Variants in AOAH observed in about 807,000 individuals in gnomAD.
The protein encoded by AOAH is acyloxyacyl hydrolase (neutrophil).
AOAH carries 64 observed loss-of-function variants against 92.2 expected under a neutral mutation model. That is an observed-to-expected ratio of 0.69 (90% confidence interval 0.57 to 0.86). The LOEUF (loss-of-function observed/expected upper bound fraction) is 0.86. Among genes scored for constraint, AOAH ranks in the 40% least tolerant of loss-of-function variants. The pLI is 0.00. For missense variants in AOAH, 656 were observed against 694.6 expected, an observed-to-expected ratio of 0.94 and a Z score of 0.62; for synonymous variants, 263 against 254.5, an observed-to-expected ratio of 1.03 and a Z score of -0.32.
At chr7:36,576,938 C>T (rs1788548922) in intron 12 of AOAH, among the ~76,000 whole-genome samples, 1 of 151,834 alleles carries the variant, frequency 6.6e-6, no homozygotes, top group African/African-American at 2.4e-5. Flanking sequence ...CTTTCAAATG[C>T]TTTTTACCAA....
chr7:36,648,982 T>A (rs1794408666), intron 4 of AOAH, among the ~76,000 whole-genome samples: 1 of 152,230 alleles, frequency 6.6e-6, no homozygotes, highest in Non-Finnish European at 1.5e-5. Flanking sequence ...ATTTTTTCTC[T>A]GTAAAGTTAA....
intron 16 of AOAH, 112 bp downstream of exon 16, chr7:36,540,207 C>T (rs1785326852): frequency 9.5e-7 from 1 of 1,050,330 alleles, no homozygotes. Flanking sequence ...AACCCTGACC[C>T]ATGTTCCATG....
chr7:36,655,735 G>C (rs4723552), intron 4 of AOAH, among the ~76,000 whole-genome samples: 1 of 151,852 alleles, frequency 6.6e-6, no homozygotes, highest in African/African-American at 2.4e-5. Flanking sequence ...CACTTTACCC[G>C]TTCATTGCGT....
Position 36,594,272 on chromosome 7 carries a change from C to T in AOAH, c.938+67G>A, listed in dbSNP as rs574593595. The T allele has an allele frequency of 5.6e-6, 7 of 1,259,112 alleles. No homozygotes were observed. In the South Asian group the frequency reaches 7.4e-5, roughly 13 times the overall value. 78.0% of individuals were successfully genotyped at this position (1,259,112 alleles called of 1,614,324 possible). A position where few individuals can be genotyped will look rare whatever the true frequency, so the allele number is the denominator to read the frequency against. ...TCGCATTTCAACATCTTGGTAGCAA[C>T]CCCCATCTCTTGTTCTTTCCTTACA... is the stretch of plus-strand genomic sequence containing the variant. On this transcript the variant is annotated intron_variant, in intron 12 of 20. Transcript: ENST00000617537.
chr7:36,633,201 T>C (rs1328393535), intron 5 of AOAH, among the ~76,000 whole-genome samples: 3 of 152,232 alleles, frequency 2.0e-5, no homozygotes, highest in Admixed American at 6.5e-5. Flanking sequence ...ACAGCCTTGC[T>C]AGAGATGCAC....
chr7:36,628,675 G>C (rs992176655), intron 6 of AOAH, among the ~76,000 whole-genome samples: 1 of 152,228 alleles, frequency 6.6e-6, no homozygotes, highest in African/African-American at 2.4e-5. Flanking sequence ...ACGCGTCCCT[G>C]GGGTGGAGAC....
At chr7:36,616,304 T>TC in intron 11 of AOAH, 76 bp downstream of exon 11, 4 of 1,194,196 alleles carry the variant, frequency 3.3e-6, no homozygotes, top group Non-Finnish European at 4.9e-6. Flanking sequence ...GGAGTTGGCA[T>TC]CCCATTTAGA....
intron 1 of AOAH, among the ~76,000 whole-genome samples, chr7:36,706,411 C>T (rs933815673): frequency 6.6e-6 from 1 of 152,018 alleles, no homozygotes; most frequent in African/African-American, 2.4e-5. Flanking sequence ...ACAAATTTGC[C>T]GTTATCCAAG....
At chr7:36,698,486 T>C (rs1797845919) in intron 1 of AOAH, among the ~76,000 whole-genome samples, 1 of 152,142 alleles carries the variant, frequency 6.6e-6, no homozygotes, top group Admixed American at 6.5e-5. Context: ...GGCTTTGGAT[T>C]CTTCATTTTC....
chr7:36,524,568 C>T (rs1477759344), intron 19 of AOAH, among the ~76,000 whole-genome samples: 9 of 151,452 alleles, frequency 5.9e-5, no homozygotes, highest in South Asian at 2.1e-4. Context: ...CCCAGCTACT[C>T]GAGAGGCTGA....
chr7:36,723,570 CA>C (rs1382556347), intron 1 of AOAH, among the ~76,000 whole-genome samples: 1 of 152,062 alleles, frequency 6.6e-6, no homozygotes, highest in Non-Finnish European at 1.5e-5. Flanking sequence ...TTCAGTTCAC[CA>C]ATAAGGACAC....
intron 13 of AOAH, among the ~76,000 whole-genome samples, chr7:36,558,598 C>G (rs1228164697): frequency 6.6e-6 from 1 of 152,280 alleles, no homozygotes; most frequent in Non-Finnish European, 1.5e-5. Context: ...CAGAGGCCAG[C>G]AGGCCTCCTT....
At position 36,594,362 on chromosome 7, in the gene AOAH, T is replaced by G. The variant is rs1370094635; in HGVS notation, c.915A>C (p.Thr305=). ...ELDWPQLSGA[T]GFLDSTVGIK... is the part of the protein sequence containing the mutation. The stretch of plus-strand genomic sequence containing the variant: ...ACCCAACAGTGGAGTCCAGAAATCC[T>G]GTAGCACCAGAGAGTTGGGGCCAGT... The change falls in exon 12 of 21, where the codon ACA becomes ACC. Residue 305 remains threonine (T), a synonymous_variant. Transcript: ENST00000617537. 4 of 1,614,024 alleles carry G rather than the reference T, an allele frequency of 2.5e-6. No individual in the cohort carries two copies. Among genetic ancestry groups the G allele is most frequent in the Non-Finnish European group, 3.4e-6 (4 of 1,179,880 alleles).
At chr7:36,678,203 A>C (rs554173029) in intron 2 of AOAH, among the ~76,000 whole-genome samples, 2 of 152,256 alleles carry the variant, frequency 1.3e-5, no homozygotes, top group South Asian at 2.1e-4. Context: ...AGAAGCTCTG[A>C]TGTCACAGTA....
intron 15 of AOAH, among the ~76,000 whole-genome samples, chr7:36,544,976 G>A (rs529831481): frequency 2.0e-5 from 3 of 152,196 alleles, no homozygotes; most frequent in East Asian, 1.9e-4. Flanking sequence ...AGGTAAGAGG[G>A]TTAGCCCTTT....
At chr7:36,593,921 C>T (rs2727807) in intron 12 of AOAH, among the ~76,000 whole-genome samples, 5,534 of 152,318 alleles carry the variant, frequency 0.036, 315 homozygotes, top group African/African-American at 0.12. Flanking sequence ...CATTCAAACT[C>T]ACCAGGCCTG....
chr7:36,616,901 C>A (rs141324920), intron 10 of AOAH, among the ~76,000 whole-genome samples: 348 of 152,282 alleles, frequency 2.3e-3, no homozygotes, highest in African/African-American at 8.0e-3. Flanking sequence ...ATGTTATGGT[C>A]TTTTAAAGCC....
intron 14 of AOAH, 71 bp from the exon 15 acceptor site, chr7:36,548,757 TGGGCCTTTGAAA>T: frequency 3.5e-6 from 5 of 1,429,020 alleles, no homozygotes; most frequent in Non-Finnish European, 4.9e-6. Flanking sequence ...TGACACAGGC[TGGGCCTTTGAAA>T]ACAATCTTGG....
intron 13 of AOAH, among the ~76,000 whole-genome samples, chr7:36,551,679 C>T (rs1241692863): frequency 6.6e-6 from 1 of 152,154 alleles, no homozygotes; most frequent in Non-Finnish European, 1.5e-5. Flanking sequence ...ATTCATAACA[C>T]ATTTTGTTTA....
Sources: allele counts gnomAD v4.1 joint callset (sites outside exome capture counted in the v4.1 genomes callset), GRCh38; gene constraint gnomAD v4.1.1; transcripts MANE v1.5; gene names NCBI Gene and HGNC (gene_info 2026-07-23, HGNC 2026-07-21).